ARHGEF28: variants seen among roughly 807,000 people sequenced by gnomAD.
ARHGEF28 encodes the protein Rho guanine nucleotide exchange factor 28, also known as 190 kDa guanine nucleotide exchange factor.
A neutral mutation model predicts 206.6 loss-of-function variants in ARHGEF28; 152 were observed. The observed-to-expected ratio is 0.74, with a 90% CI of 0.64 to 0.84. ARHGEF28 has a LOEUF of 0.84. Among genes scored for constraint, ARHGEF28 ranks in the 40% least tolerant of loss-of-function variants. ARHGEF28 has a pLI of 0.00. For missense variants in ARHGEF28, 2,028 were observed against 2,073.2 expected, an observed-to-expected ratio of 0.98 and a Z score of 0.42; for synonymous variants, 763 against 776.4, an observed-to-expected ratio of 0.98 and a Z score of 0.29.
chr5:73,899,182 C>A (rs1315555374), intron 30 of ARHGEF28: 2 of 152,136 alleles, frequency 1.3e-5, no homozygotes, highest in East Asian at 1.9e-4. Flanking sequence ...AGCCCAGATT[C>A]ATCAGGGGAG....
At chr5:73,694,127 C>G (rs1748029089) in intron 2 of ARHGEF28, among the ~76,000 whole-genome samples, 1 of 152,236 alleles carries the variant, frequency 6.6e-6, no homozygotes, top group Non-Finnish European at 1.5e-5. Context: ...AGCTTCATCC[C>G]ATTTCACATT....
At chr5:73,925,102 C>T (rs1372625862) in intron 35 of ARHGEF28, among the ~76,000 whole-genome samples, 1 of 152,124 alleles carries the variant, frequency 6.6e-6, no homozygotes, top group African/African-American at 2.4e-5. Flanking sequence ...AGTTTTTGGT[C>T]CCGTGGATAA....
chr5:73,723,220 T>C (rs796694298), intron 2 of ARHGEF28, among the ~76,000 whole-genome samples: 31 of 152,334 alleles, frequency 2.0e-4, no homozygotes, highest in African/African-American at 7.5e-4. Context: ...GATGGAGTCT[T>C]GCTCTGTCGC....
intron 1 of ARHGEF28, among the ~76,000 whole-genome samples, chr5:73,681,544 G>C (rs1380428845): frequency 6.6e-6 from 1 of 152,162 alleles, no homozygotes; most frequent in Non-Finnish European, 1.5e-5. Flanking sequence ...GCTGGGCATG[G>C]TGGCTCACAC....
At chr5:73,892,473 C>G (rs1412081648) in intron 27 of ARHGEF28, among the ~76,000 whole-genome samples, 10 of 152,222 alleles carry the variant, frequency 6.6e-5, no homozygotes, top group Admixed American at 6.5e-4. Flanking sequence ...CGGGCCTCCC[C>G]TCCTCCATGA....
intron 4 of ARHGEF28, among the ~76,000 whole-genome samples, chr5:73,759,463 T>G (rs1416365628): frequency 6.6e-6 from 1 of 152,200 alleles, no homozygotes; most frequent in Admixed American, 6.5e-5. Context: ...TCTTCATAAA[T>G]TAGTTCCTTT....
intron 2 of ARHGEF28, among the ~76,000 whole-genome samples, chr5:73,749,561 T>G (rs1646294045): frequency 6.6e-6 from 1 of 152,238 alleles, no homozygotes; most frequent in African/African-American, 2.4e-5. Context: ...TCTAGTACAT[T>G]TTAAAGAAAG....
chr5:73,751,530 C>T (rs868291259), intron 3 of ARHGEF28, among the ~76,000 whole-genome samples: 1 of 152,232 alleles, frequency 6.6e-6, no homozygotes, highest in African/African-American at 2.4e-5. Flanking sequence ...GTTTTGCTCC[C>T]TTTTCTTGGT....
intron 2 of ARHGEF28, among the ~76,000 whole-genome samples, chr5:73,729,261 G>C (rs1451578095): frequency 1.3e-5 from 2 of 152,322 alleles, no homozygotes; most frequent in East Asian, 3.9e-4. Flanking sequence ...TCAAAGGACT[G>C]TTGTGGGATT....
In ARHGEF28 at chr5:73,885,907, T is replaced by C; in HGVS notation, c.3113T>C (p.Ile1038Thr). The change falls in exon 25 of 36, where the codon ATT (isoleucine) becomes ACT (threonine). Residue 1038 changes from isoleucine to threonine, a missense_variant. This residue lies in a region of ARHGEF28 where 223 missense variants were observed against 289.9 expected (regional missense o/e 0.77). Transcript: ENST00000513042. ...RKALCLIKDM[I>T]ATVDLKVNEY... ...GCGCTTTGCTTAATTAAAGACATGATTGCAACAGTGGATTTAAAAGTCAAT... is the reference window on the plus strand; with the variant it reads ...GCGCTTTGCTTAATTAAAGACATGACTGCAACAGTGGATTTAAAAGTCAAT... 6.2e-7 allele frequency: 1 copy of C among 1,613,676 alleles called. No homozygotes were observed. The highest frequency in any genetic ancestry group is 8.5e-7 in the Non-Finnish European group (1 of 1,179,768).
intron 22 of ARHGEF28, among the ~76,000 whole-genome samples, chr5:73,878,563 C>T (rs1223395908): frequency 1.0e-4 from 15 of 150,746 alleles, no homozygotes; most frequent in African/African-American, 2.4e-4. Context: ...CGGCTGGTAC[C>T]GGTTGTTCCT....
At chr5:73,864,180 G>A (rs972183342) in intron 16 of ARHGEF28, among the ~76,000 whole-genome samples, 4 of 152,220 alleles carry the variant, frequency 2.6e-5, no homozygotes, top group African/African-American at 9.6e-5. Flanking sequence ...GACAGCCTCA[G>A]TGTCTGTGTT....
At chr5:73,833,299 A>G (rs1230998625) in intron 10 of ARHGEF28, among the ~76,000 whole-genome samples, 1 of 151,912 alleles carries the variant, frequency 6.6e-6, no homozygotes, top group African/African-American at 2.4e-5. Context: ...TAACCCTTTT[A>G]TGTTGTTAGT....
intron 1 of ARHGEF28, among the ~76,000 whole-genome samples, chr5:73,641,954 C>G (rs1167010734): frequency 6.6e-6 from 1 of 152,232 alleles, no homozygotes; most frequent in Non-Finnish European, 1.5e-5. Flanking sequence ...ACTATTCCTG[C>G]TTTGCAGATA....
chr5:73,928,306 C>T (rs1265145727), intron 35 of ARHGEF28, among the ~76,000 whole-genome samples: 4 of 152,124 alleles, frequency 2.6e-5, no homozygotes, highest in Admixed American at 2.0e-4. Flanking sequence ...ATCCCAGCTA[C>T]GTGGGAGGCT....
intron 1 of ARHGEF28, among the ~76,000 whole-genome samples, chr5:73,632,123 CCTT>C (rs1743407069): frequency 6.6e-6 from 1 of 152,108 alleles, no homozygotes; most frequent in African/African-American, 2.4e-5. Flanking sequence ...CGTCTCAAGT[CCTT>C]CTTGTTTGCA....
At chr5:73,707,296 G>A (rs368082660) in intron 2 of ARHGEF28, among the ~76,000 whole-genome samples, 2 of 152,192 alleles carry the variant, frequency 1.3e-5, no homozygotes, top group Non-Finnish European at 1.5e-5. Flanking sequence ...TGGAAGGCAC[G>A]TTTGTTTTGT....
intron 2 of ARHGEF28, among the ~76,000 whole-genome samples, chr5:73,729,794 A>G (rs1750497809): frequency 1.3e-5 from 2 of 152,204 alleles, no homozygotes; most frequent in African/African-American, 4.8e-5. Context: ...GTAGAACTTC[A>G]CAAGTTGGGA....
intron 2 of ARHGEF28, among the ~76,000 whole-genome samples, chr5:73,740,657 G>A (rs1042921720): frequency 2.0e-5 from 3 of 152,154 alleles, no homozygotes; most frequent in Non-Finnish European, 4.4e-5. Context: ...AACAGTCCCA[G>A]TTCCTTCAAT....
Sources: gnomAD v4.1 joint callset for allele counts (sites outside exome capture counted in the v4.1 genomes callset) on GRCh38, gnomAD v4.1.1 for gene constraint, gnomAD v4.1.1 regional missense constraint, MANE v1.5 for transcripts, NCBI Gene and HGNC (gene_info 2026-07-23, HGNC 2026-07-21) for gene names.